Variants in SLC16A7 observed in about 807,000 individuals in gnomAD.
The protein encoded by SLC16A7 is solute carrier family 16 member 7, also known as monocarboxylate transporter 2.
In SLC16A7, 33 loss-of-function variants were observed where a neutral mutation model predicts 34.9. The observed-to-expected ratio is 0.94, with a 90% CI of 0.72 to 1.26. SLC16A7 has a LOEUF of 1.26. SLC16A7 is among the 50% of genes most tolerant of loss of function. SLC16A7 has a pLI of 0.00. For missense variants in SLC16A7, 573 were observed against 578.1 expected (o/e 0.99, Z 0.09); for synonymous variants, 201 against 206.6 (o/e 0.97, Z 0.23).
Position 59,775,256 on chromosome 12 carries a change from A to T in SLC16A7, c.961A>T (p.Ile321Phe). 1 of 1,614,146 alleles carries T rather than the reference A, an allele frequency of 6.2e-7. No individual in the cohort carries two copies. The highest frequency in any genetic ancestry group is 8.5e-7 in the Non-Finnish European group (1 of 1,180,000). ...PRIQYFFSFA[I>F]MFNGVCHLLC... The stretch of plus-strand genomic sequence containing the variant: ...AATTCAGTACTTCTTCAGTTTTGCA[A>T]TCATGTTCAATGGAGTGTGTCACCT... The change falls in exon 5 of 6, where the codon ATC becomes TTC. Residue 321 changes from isoleucine to phenylalanine, a missense_variant. Ile to Phe is a conservative substitution (Grantham distance 21). Coordinates refer to ENST00000547379, the MANE Select transcript of SLC16A7 (RefSeq NM_001270623.2).
intron 1 of SLC16A7, among the ~76,000 whole-genome samples, chr12:59,601,983 A>G (rs1261160468): frequency 6.6e-6 from 1 of 152,192 alleles, no homozygotes; most frequent in Non-Finnish European, 1.5e-5. Flanking sequence ...TCTATAAGTC[A>G]GTGGCTTTCC....
chr12:59,665,432 A>G (rs1400610930), intron 2 of SLC16A7, among the ~76,000 whole-genome samples: 2 of 151,914 alleles, frequency 1.3e-5, no homozygotes, highest in Non-Finnish European at 2.9e-5. Context: ...ATGTATGTGT[A>G]CTTTGTTGAA....
At chr12:59,746,813 GT>G (rs1407042470) in intron 3 of SLC16A7, among the ~76,000 whole-genome samples, 3 of 152,118 alleles carry the variant, frequency 2.0e-5, no homozygotes, top group Non-Finnish European at 4.4e-5. Context: ...GCAATAGTGT[GT>G]TTTTTTACTG....
chr12:59,780,981 G>A lies in SLC16A7; in HGVS notation c.*1302G>A, dbSNP rs952249545. 6.6e-6 allele frequency: 1 copy of A among 152,106 alleles called. No individual in the cohort carries two copies. The highest frequency in any genetic ancestry group is 1.5e-5 in the Non-Finnish European group (1 of 68,036). The allele number at this position is 152,106 out of a possible 1,614,324, so 9.4% of individuals were successfully genotyped here. ...TCCTGCTGCCTTTGGACATAACTAA[G>A]CCAGGAAACTTTAAAAGCCTTCTAG... On this transcript the variant is annotated 3_prime_UTR_variant, in exon 6 of 6. Coordinates refer to ENST00000547379, the MANE Select transcript of SLC16A7 (RefSeq NM_001270623.2).
At chr12:59,632,264 A>G (rs1237280309) in intron 1 of SLC16A7, among the ~76,000 whole-genome samples, 2 of 152,042 alleles carry the variant, frequency 1.3e-5, no homozygotes, top group Admixed American at 6.6e-5. Flanking sequence ...ATGCACTTTT[A>G]ACAAAGTATG....
In SLC16A7 at chr12:59,621,324, A is replaced by G. The variant is rs190272042; in HGVS notation, c.-130+25088A>G. 3.8e-3 allele frequency among the ~76,000 whole-genome samples: 585 copies of G among 152,016 alleles called. 3 individuals carry two copies. Among genetic ancestry groups the G allele is most frequent in the African/African-American group, 0.013 (558 of 41,524 alleles). On this transcript the variant is annotated intron_variant, in intron 1 of 5. Coordinates refer to ENST00000547379, the MANE Select transcript of SLC16A7 (RefSeq NM_001270623.2). ...TCCTTGAACCCCATCCGAAAGCTGA[A>G]GTCTGACTACTGTAAAGTGATCATG...
intron 2 of SLC16A7, among the ~76,000 whole-genome samples, chr12:59,657,170 A>G (rs1274235549): frequency 6.6e-6 from 1 of 152,024 alleles, no homozygotes; most frequent in African/African-American, 2.4e-5. Context: ...ATAGGAAAGT[A>G]TCCAAAACTT....
At chr12:59,605,525 C>T (rs1043149852) in intron 1 of SLC16A7, among the ~76,000 whole-genome samples, 10 of 152,154 alleles carry the variant, frequency 6.6e-5, no homozygotes, top group Admixed American at 3.3e-4. Flanking sequence ...TTGAATAAAG[C>T]CTCTGACATA....
intron 3 of SLC16A7, among the ~76,000 whole-genome samples, chr12:59,751,965 G>T (rs1055904110): frequency 9.9e-5 from 15 of 152,160 alleles, no homozygotes; most frequent in African/African-American, 3.6e-4. Flanking sequence ...CCGCTGATCT[G>T]CAGCCACCAG....
At chr12:59,639,210 C>T (rs1425880588) in intron 1 of SLC16A7, among the ~76,000 whole-genome samples, 1 of 152,000 alleles carries the variant, frequency 6.6e-6, no homozygotes, top group Non-Finnish European at 1.5e-5. Flanking sequence ...TGTTTGGCTC[C>T]TTTCTTATTT....
chr12:59,704,310 G>C (rs944638755), intron 2 of SLC16A7, among the ~76,000 whole-genome samples: 9 of 150,306 alleles, frequency 6.0e-5, no homozygotes, highest in African/African-American at 2.2e-4. Flanking sequence ...AATAAAAAAA[G>C]CCAATAGATC....
chr12:59,720,534 G>A (rs1215922127), intron 3 of SLC16A7, among the ~76,000 whole-genome samples: 1 of 151,944 alleles, frequency 6.6e-6, no homozygotes, highest in Non-Finnish European at 1.5e-5. Flanking sequence ...CTACAATATA[G>A]GGGAAAATTA....
chr12:59,614,824 TAAAAAAA>T (rs71448588), intron 1 of SLC16A7, among the ~76,000 whole-genome samples: 4 of 35,744 alleles, frequency 1.1e-4, no homozygotes, highest in Non-Finnish European at 1.4e-4. Flanking sequence ...CCATTCCTAC[TAAAAAAA>T]AAAAAAAAAA....
At chr12:59,712,499 A>G (rs528704175) in intron 3 of SLC16A7, among the ~76,000 whole-genome samples, 2 of 152,294 alleles carry the variant, frequency 1.3e-5, no homozygotes, top group East Asian at 1.9e-4. Flanking sequence ...TGACTCCCCA[A>G]GGGAAAAGAC....
chr12:59,751,085 C>T (rs528323036), intron 3 of SLC16A7, among the ~76,000 whole-genome samples: 195 of 152,174 alleles, frequency 1.3e-3, no homozygotes, highest in South Asian at 2.5e-3. Flanking sequence ...AGGGGAGGGA[C>T]AGCATTAGAA....
chr12:59,730,051 T>G (rs952126727), intron 3 of SLC16A7, among the ~76,000 whole-genome samples: 6 of 152,160 alleles, frequency 3.9e-5, no homozygotes, highest in African/African-American at 1.4e-4. Context: ...ATACCACTTG[T>G]GGAAATCTAG....
intron 2 of SLC16A7, among the ~76,000 whole-genome samples, chr12:59,660,772 C>T (rs1406138128): frequency 6.6e-6 from 1 of 151,886 alleles, no homozygotes; most frequent in African/African-American, 2.4e-5. Context: ...AAAAGTTTAC[C>T]TTAAGTTTTA....
intron 4 of SLC16A7, among the ~76,000 whole-genome samples, chr12:59,772,311 G>T (rs1882311037): frequency 6.6e-6 from 1 of 152,036 alleles, no homozygotes; most frequent in Non-Finnish European, 1.5e-5. Flanking sequence ...ATTTAATATT[G>T]TAAATGAAAA....
chr12:59,698,255 A>G (rs1305205297), intron 2 of SLC16A7, among the ~76,000 whole-genome samples: 1 of 151,818 alleles, frequency 6.6e-6, no homozygotes, highest in Non-Finnish European at 1.5e-5. Flanking sequence ...AAAACTGATT[A>G]TGCAACTATT....
Sources: gnomAD v4.1 joint callset for allele counts (sites outside exome capture counted in the v4.1 genomes callset) on GRCh38, gnomAD v4.1.1 for gene constraint, MANE v1.5 for transcripts, NCBI Gene and HGNC (gene_info 2026-07-23, HGNC 2026-07-21) for gene names.